The following SYNE2 variants were observed in gnomAD, a reference collection of about 807,000 sequenced individuals.
SYNE2 encodes the protein nesprin-2.
A neutral mutation model predicts 856.3 loss-of-function variants in SYNE2; 431 were observed. The observed-to-expected ratio is 0.50, with a 90% CI of 0.47 to 0.55. The LOEUF is 0.55. SYNE2 is among the 20% of genes least tolerant of loss of function. The pLI is 0.00. For synonymous variants in SYNE2, 2,923 were observed against 2,872.3 expected (o/e 1.02, Z -0.56); for missense variants, 8,129 against 8,023.2 (o/e 1.01, Z -0.50).
intron 14 of SYNE2, among the ~76,000 whole-genome samples, chr14:63,980,208 T>C (rs568247095): frequency 6.6e-6 from 1 of 152,302 alleles, no homozygotes; most frequent in African/African-American, 2.4e-5. Flanking sequence ...TGGTTAATGG[T>C]AGTTTCTGAA....
chr14:63,911,293 A>C (rs1001938214), intron 2 of SYNE2, among the ~76,000 whole-genome samples: 9 of 152,160 alleles, frequency 5.9e-5, no homozygotes, highest in Non-Finnish European at 1.3e-4. Context: ...GATTAGAATC[A>C]GTTTCCTGTG....
intron 8 of SYNE2, among the ~76,000 whole-genome samples, chr14:63,957,146 G>C (rs1229665314): frequency 6.7e-6 from 1 of 149,324 alleles, no homozygotes; most frequent in Admixed American, 6.7e-5. Context: ...CAGAGTCTTC[G>C]CTGTGTTGCC....
intron 66 of SYNE2, among the ~76,000 whole-genome samples, chr14:64,117,334 C>G (rs1004855125): frequency 1.3e-5 from 2 of 152,148 alleles, no homozygotes; most frequent in Non-Finnish European, 2.9e-5. Context: ...GGGTCTTGCT[C>G]TGTTACCCAG....
At position 64,210,136 on chromosome 14, in the gene SYNE2, T is replaced by G. The variant is rs375403760; in HGVS notation, c.18723+12T>G. The G allele has an allele frequency of 2.5e-6, 4 of 1,612,346 alleles. No individual in the cohort carries two copies. The African/African-American group carries it at 4.0e-5, about 16-fold the overall frequency. On this transcript the variant is annotated intron_variant, in intron 103 of 115. Coordinates refer to ENST00000555002, the MANE Select transcript of SYNE2 (RefSeq NM_182914.3). ...TGCGGAGACTCAGGGTGAGCTCCTCTGCACCTGGCTCGGGTGTAGATTTTC... is the reference window on the plus strand; with the variant it reads ...TGCGGAGACTCAGGGTGAGCTCCTCGGCACCTGGCTCGGGTGTAGATTTTC...
intron 99 of SYNE2, chr14:64,191,173 A>G (rs1326476723): frequency 2.9e-6 from 1 of 347,820 alleles, no homozygotes. Context: ...TAAATTTATT[A>G]TTTAAATTAT....
chr14:63,931,769 A>C (rs1358695512), intron 2 of SYNE2, among the ~76,000 whole-genome samples: 1 of 152,084 alleles, frequency 6.6e-6, no homozygotes, highest in Non-Finnish European at 1.5e-5. Flanking sequence ...ACAAAGGTTT[A>C]ACTCCAAGTT....
In SYNE2 at chr14:64,214,391, G is replaced by A. The variant is rs778042623; in HGVS notation, c.19254G>A (p.Glu6418=). The stretch of plus-strand genomic sequence containing the variant: ...TCAGCGTGGACTCCATCCCCCTGGA[G>A]TGGGACCACACAGGCGACGTGGGGG... The part of the protein sequence containing the change: ...TPVSVDSIPL[E]WDHTGDVGGS... The change falls in exon 106 of 116, where the codon GAG becomes GAA. Residue 6418 remains glutamate (E), a synonymous_variant. Transcript: ENST00000555002. 1 of 1,614,160 alleles carries A rather than the reference G, an allele frequency of 6.2e-7. No homozygotes were observed. Among genetic ancestry groups the A allele is most frequent in the Non-Finnish European group, 8.5e-7 (1 of 1,180,034 alleles).
chr14:64,172,335 G>A (rs1484316581), intron 94 of SYNE2, among the ~76,000 whole-genome samples: 1 of 152,164 alleles, frequency 6.6e-6, no homozygotes, highest in Admixed American at 6.5e-5. Flanking sequence ...GCAGTCAGAT[G>A]GTGGCTGGGG....
chr14:64,063,686 A>T (rs568394188), intron 50 of SYNE2, among the ~76,000 whole-genome samples: 1 of 152,376 alleles, frequency 6.6e-6, no homozygotes, highest in South Asian at 2.1e-4. Context: ...TTTCTAAATC[A>T]TCTGTAGTTA....
intron 81 of SYNE2, 26 bp downstream of exon 81, chr14:64,141,549 G>C (rs1172869610): frequency 6.8e-6 from 11 of 1,607,438 alleles, no homozygotes; most frequent in Non-Finnish European, 9.4e-6. Flanking sequence ...CTCAGCATTT[G>C]AATTAGCATT....
At position 64,218,472 on chromosome 14, in the gene SYNE2, G is replaced by A. The variant is rs752190631; in HGVS notation, c.19617G>A (p.Gln6539=). 1.3e-5 allele frequency: 21 copies of A among 1,614,022 alleles called. No homozygotes were observed. The East Asian group carries it at 4.5e-4, about 34-fold the overall frequency. Residue 6539 remains glutamine (Q), a synonymous_variant, in exon 109 of 116, where the codon CAG becomes CAA. Transcript: ENST00000555002. ...GAGTCCTGAATGGCAACCCACAGCA[G>A]GAAGACGGGGGACTGGCCGGTATCA... The part of the protein sequence containing the change: ...GPRVLNGNPQ[Q]EDGGLAGITE...
intron 99 of SYNE2, chr14:64,191,081 A>G: frequency 1.4e-6 from 1 of 701,938 alleles, no homozygotes; most frequent in Non-Finnish European, 2.6e-6. Flanking sequence ...AATATACAGG[A>G]GAACCTATAA....
At chr14:63,825,726 T>C (rs1464715422) in intron 1 of SYNE2, among the ~76,000 whole-genome samples, 1 of 151,880 alleles carries the variant, frequency 6.6e-6, no homozygotes, top group Non-Finnish European at 1.5e-5. Flanking sequence ...AATACAAAAA[T>C]TAGCTGGGAA....
chr14:63,801,522 A>C (rs189823211), intron 1 of SYNE2, among the ~76,000 whole-genome samples: 176 of 152,274 alleles, frequency 1.2e-3, no homozygotes, highest in African/African-American at 4.0e-3. Flanking sequence ...TCTACTAAAA[A>C]TACAAAATTA....
intron 1 of SYNE2, among the ~76,000 whole-genome samples, chr14:63,842,554 G>A (rs1218424693): frequency 4.6e-5 from 7 of 151,256 alleles, no homozygotes; most frequent in East Asian, 1.9e-4. Context: ...ACTGCCTCCC[G>A]GGTTCAAGTG....
chr14:64,113,305 T>G, intron 65 of SYNE2, 36 bp from the exon 66 acceptor site: 1 of 1,612,664 alleles, frequency 6.2e-7, no homozygotes, highest in Non-Finnish European at 8.5e-7. Flanking sequence ...GTCTGAAAAC[T>G]TTGGACTCCC....
intron 70 of SYNE2, among the ~76,000 whole-genome samples, chr14:64,122,828 C>T (rs976468496): frequency 3.9e-5 from 6 of 152,124 alleles, no homozygotes; most frequent in Non-Finnish European, 7.3e-5. Flanking sequence ...CTTGGCCAGG[C>T]GCGGTGGCTC....
intron 2 of SYNE2, among the ~76,000 whole-genome samples, chr14:63,911,404 A>C (rs946792226): frequency 4.6e-5 from 7 of 152,228 alleles, no homozygotes; most frequent in Non-Finnish European, 7.3e-5. Flanking sequence ...ATACATATCA[A>C]GTAATATTTT....
At position 64,209,423 on chromosome 14, in the gene SYNE2, A is replaced by G; in HGVS notation, c.18390-5A>G. ...GCTTGTGTTAAGTTGCTTTGCTCCCATCAGAATCGAGGAGACGTGGCGCCT... is the reference window on the plus strand; with the variant it reads ...GCTTGTGTTAAGTTGCTTTGCTCCCGTCAGAATCGAGGAGACGTGGCGCCT... On this transcript the variant is annotated splice_polypyrimidine_tract_variant and splice_region_variant and intron_variant, in intron 101 of 115. Transcript: ENST00000555002. The G allele has an allele frequency of 6.2e-7, 1 of 1,614,232 alleles. No individual in the cohort carries two copies. The highest frequency in any genetic ancestry group is 8.5e-7 in the Non-Finnish European group (1 of 1,180,040).
Sources: gnomAD v4.1 joint callset for allele counts (sites outside exome capture counted in the v4.1 genomes callset) on GRCh38, gnomAD v4.1.1 for gene constraint, MANE v1.5 for transcripts, NCBI Gene and HGNC (gene_info 2026-07-23, HGNC 2026-07-21) for gene names.